DHX32: variants seen among roughly 807,000 people sequenced by gnomAD.
DHX32 encodes DEAH-box helicase 32 (putative).
DHX32 carries 51 observed loss-of-function variants against 70.0 expected under a neutral mutation model. The ratio of observed to expected loss-of-function variants is 0.73; its 90% confidence interval spans 0.58 to 0.92. DHX32 has a LOEUF of 0.92. Ranked by LOEUF, DHX32 falls within the 40% of genes least tolerant of loss-of-function variation. The pLI, the probability that DHX32 is intolerant of heterozygous loss-of-function variation, is 0.00. For missense variants in DHX32, 762 were observed against 891.8 expected, an observed-to-expected ratio of 0.85 and a Z score of 1.85; for synonymous variants, 310 against 315.3, an observed-to-expected ratio of 0.98 and a Z score of 0.18.
chr10:125,848,738 C>T (rs911731030), intron 6 of DHX32, among the ~76,000 whole-genome samples: 1 of 152,164 alleles, frequency 6.6e-6, no homozygotes, highest in Admixed American at 6.5e-5. Context: ...GCTCAGGGCC[C>T]CTGTGGTGCA....
chr10:125,841,831 A>G lies in DHX32; in HGVS notation c.1455T>C (p.Pro485=). 1.9e-6 allele frequency: 3 copies of G among 1,613,964 alleles called. No homozygotes were observed. The highest frequency in any genetic ancestry group is 2.5e-6 in the Non-Finnish European group (3 of 1,180,000). Residue 485 remains proline (P), a synonymous_variant, in exon 7 of 11, where the codon CCT becomes CCC. Coordinates refer to ENST00000284690, the MANE Select transcript of DHX32 (RefSeq NM_018180.3). Reference sequence around the variant, plus strand: ...TAGACTTCGAGAGTTGTGGATCAAGAGGAAACTCTGACATGATGATTCCAA... The same window carrying G: ...TAGACTTCGAGAGTTGTGGATCAAGGGGAAACTCTGACATGATGATTCCAA... The part of the protein sequence containing the change: ...SEFGIIMSEF[P]LDPQLSKSIL...
At chr10:125,841,553 A>G (rs1854880822) in intron 7 of DHX32, 190 bp downstream of exon 7, 25 of 1,428,658 alleles carry the variant, frequency 1.7e-5, no homozygotes, top group Non-Finnish European at 2.2e-5. Flanking sequence ...TTCTTAAGAT[A>G]ATTTTTCATA....
At chr10:125,848,630 G>A (rs1779942336) in intron 6 of DHX32, among the ~76,000 whole-genome samples, 2 of 152,154 alleles carry the variant, frequency 1.3e-5, no homozygotes, top group Admixed American at 1.3e-4. Flanking sequence ...CCTGGCTCCG[G>A]CCCATCTCAG....
chr10:125,866,976 C>T lies in DHX32; in HGVS notation c.476+14G>A, dbSNP rs1324696883. 3.7e-6 allele frequency: 6 copies of T among 1,608,492 alleles called. No homozygotes were observed. The highest frequency in any genetic ancestry group is 4.2e-6 in the Non-Finnish European group (5 of 1,176,742). ...AATCATCAGCAGGGAGCGGACTGAA[C>T]CCCACAAACCAACCTCAGGATTGTT... is the stretch of plus-strand genomic sequence containing the variant. On this transcript the variant is annotated intron_variant, in intron 2 of 10. Transcript: ENST00000284690. The surrounding 1 kb of genome is among the most constrained non-coding windows in gnomAD (Gnocchi z 4.8).
chr10:125,884,400 CTGTTG>C (rs1313666680), upstream of DHX32, among the ~76,000 whole-genome samples: 1 of 152,192 alleles, frequency 6.6e-6, no homozygotes, highest in African/African-American at 2.4e-5. Flanking sequence ...CATAACTGTT[CTGTTG>C]TAAGTATAAA....
chr10:125,886,569 T>C (rs1944342206), intron 1 of DHX32, among the ~76,000 whole-genome samples: 2 of 152,300 alleles, frequency 1.3e-5, no homozygotes, highest in South Asian at 2.1e-4. Flanking sequence ...TCTGGATTTA[T>C]GTGACTTTTT....
At chr10:125,846,787 A>T (rs1944027241) in intron 6 of DHX32, among the ~76,000 whole-genome samples, 1 of 152,166 alleles carries the variant, frequency 6.6e-6, no homozygotes, top group Non-Finnish European at 1.5e-5. Flanking sequence ...TCTCAAATAG[A>T]ATCAATGGCT....
At chr10:125,859,189 G>A (rs1366146642) in intron 3 of DHX32, among the ~76,000 whole-genome samples, 1 of 152,018 alleles carries the variant, frequency 6.6e-6, no homozygotes, top group Non-Finnish European at 1.5e-5. Context: ...TAACTCTATG[G>A]TGAGTGCTTA....
chr10:125,856,553 A>G (rs1944149042), intron 3 of DHX32, among the ~76,000 whole-genome samples: 2 of 152,246 alleles, frequency 1.3e-5, no homozygotes, highest in South Asian at 4.1e-4. Context: ...GTGCTAGGCA[A>G]GTGGCTGGAG....
Position 125,842,025 on chromosome 10 carries a change from C to G in DHX32, c.1352-91G>C, listed in dbSNP as rs1854895933. On this transcript the variant is annotated intron_variant, in intron 6 of 10. Coordinates refer to ENST00000284690, the MANE Select transcript of DHX32 (RefSeq NM_018180.3). ...ACTTTTCCCTCCTGCATGAAACAAG[C>G]AAACAATGGACAAAATATGTGAAAC... is the stretch of plus-strand genomic sequence containing the variant. The G allele has an allele frequency of 2.9e-6, 4 of 1,385,658 alleles. No individual in the cohort carries two copies. In the East Asian group the frequency reaches 8.0e-5, roughly 28 times the overall value. The allele number at this position is 1,385,658 out of a possible 1,614,324, so 85.8% of individuals were successfully genotyped here.
rs532448915 is a variant in DHX32 at position 125,851,378 on chromosome 10, A to G, written c.1351+915T>C. 1.1e-4 allele frequency among the ~76,000 whole-genome samples: 17 copies of G among 152,334 alleles called. No homozygotes were observed. In the South Asian group the frequency reaches 3.5e-3, roughly 32 times the overall value. On this transcript the variant is annotated intron_variant, in intron 6 of 10. Coordinates refer to ENST00000284690, the MANE Select transcript of DHX32 (RefSeq NM_018180.3). The stretch of plus-strand genomic sequence containing the variant: ...TTAAGCCTCATGGAATGAGCAGCAC[A>G]GAGGGTGACTATTGAGAGAACACAG...
intron 6 of DHX32, among the ~76,000 whole-genome samples, chr10:125,843,334 T>C (rs1854932565): frequency 6.6e-6 from 1 of 152,090 alleles, no homozygotes; most frequent in Non-Finnish European, 1.5e-5. Flanking sequence ...ATGTCTAAAT[T>C]TCAGGCAAAC....
At chr10:125,870,554 G>T (rs1297153549) in intron 1 of DHX32, among the ~76,000 whole-genome samples, 1 of 152,152 alleles carries the variant, frequency 6.6e-6, no homozygotes, top group Non-Finnish European at 1.5e-5. Flanking sequence ...CTCTTTCTAG[G>T]CTGGGTGCGG....
rs1361255255 is a variant in DHX32 at position 125,838,992 on chromosome 10, C to G, written c.1881+9G>C. 1 of 1,611,516 alleles carries G rather than the reference C, an allele frequency of 6.2e-7. No individual in the cohort carries two copies. Among genetic ancestry groups the G allele is most frequent in the Admixed American group, 1.7e-5 (1 of 59,864 alleles). On this transcript the variant is annotated intron_variant, in intron 9 of 10. Coordinates refer to ENST00000284690, the MANE Select transcript of DHX32 (RefSeq NM_018180.3). Reference sequence around the variant, plus strand: ...GAGCCTATGCTGAGGTGACCCCACCCCTTCTCACCTGCATAAAGTAACCGG... The same window carrying G: ...GAGCCTATGCTGAGGTGACCCCACCGCTTCTCACCTGCATAAAGTAACCGG...
At chr10:125,879,131 C>T (rs1944302911) in intron 1 of DHX32, among the ~76,000 whole-genome samples, 1 of 144,820 alleles carries the variant, frequency 6.9e-6, no homozygotes, top group South Asian at 2.2e-4. Context: ...TCAAGTGATC[C>T]TTCTGCCTCA....
intron 4 of DHX32, 160 bp downstream of exon 4, chr10:125,853,801 A>T: frequency 1.3e-6 from 1 of 759,732 alleles, no homozygotes; most frequent in Non-Finnish European, 2.0e-6. Flanking sequence ...GACTTTTGTT[A>T]CTGGCTGCAA....
rs1310122958 is a variant in DHX32 at position 125,836,705 on chromosome 10, C to T, written c.2214G>A (p.Gln738=). The T allele has an allele frequency of 6.2e-6, 10 of 1,614,036 alleles. No individual in the cohort carries two copies. The highest frequency in any genetic ancestry group is 1.1e-5 in the South Asian group (1 of 91,080). ...TGGGGAGTCACTGGAGAGTGCATCT[C>T]TGTTCAGTTTCAGGGCACGTCTCAC... is the stretch of plus-strand genomic sequence containing the variant. The part of the protein sequence containing the change: ...QMCETCPETE[Q]RCTLQ Residue 738 remains glutamine, a synonymous_variant, in exon 11 of 11, where the codon CAG becomes CAA. Transcript: ENST00000284690.
chr10:125,839,295 A>G (rs1854800943), intron 8 of DHX32, 107 bp from the exon 9 acceptor site: 1 of 1,150,334 alleles, frequency 8.7e-7, no homozygotes, highest in African/African-American at 1.6e-5. Flanking sequence ...CCTCTCCTAC[A>G]AAGGAGGCCA....
chr10:125,890,235 C>CATATTTCTATG lies in DHX32; in HGVS notation c.-248+5982_-248+5983insCATAGAAATAT, dbSNP rs1944362648. ...ATAGATTTGAAAAACATATTTCTAA[C>CATATTTCTATG]ACAAAGTTACAGTCAAATATTTAAT... On this transcript the variant is annotated intron_variant, in intron 1 of 2. Transcript: ENST00000415732. Among the ~76,000 whole-genome samples, 5 of 152,206 alleles carry CATATTTCTATG rather than the reference C, an allele frequency of 3.3e-5. No homozygotes were observed. In the South Asian group the frequency reaches 1.0e-3, roughly 32 times the overall value.
Sources: allele counts gnomAD v4.1 joint callset (sites outside exome capture counted in the v4.1 genomes callset), GRCh38; gene constraint gnomAD v4.1.1; non-coding constraint Gnocchi (gnomAD v3.1); transcripts MANE v1.5; gene names NCBI Gene and HGNC (gene_info 2026-07-23, HGNC 2026-07-21).